HLCS: variants seen among roughly 807,000 people sequenced by gnomAD.
HLCS encodes biotin--protein ligase.
HLCS carries 53 observed loss-of-function variants against 75.0 expected under a neutral mutation model. The ratio of observed to expected loss-of-function variants is 0.71; its 90% CI spans 0.57 to 0.89. HLCS has a LOEUF of 0.89. Ranked by LOEUF, HLCS falls within the 40% of genes least tolerant of loss-of-function variation. The pLI is 0.00. For missense variants in HLCS, 966 were observed against 1,074.0 expected, an observed-to-expected ratio of 0.90 and a Z score of 1.41; for synonymous variants, 431 against 428.6, an observed-to-expected ratio of 1.01 and a Z score of -0.07.
At chr21:36,803,459 G>C (rs542178756) in intron 6 of HLCS, among the ~76,000 whole-genome samples, 1 of 152,196 alleles carries the variant, frequency 6.6e-6, no homozygotes, top group Non-Finnish European at 1.5e-5. Flanking sequence ...CGCACAGGGC[G>C]ACCTTGTGTG....
At chr21:36,778,409 A>C (rs1420534652) in intron 6 of HLCS, among the ~76,000 whole-genome samples, 1 of 152,114 alleles carries the variant, frequency 6.6e-6, no homozygotes, top group Non-Finnish European at 1.5e-5. Flanking sequence ...CCTCCCGAGT[A>C]GCTGGGATTA....
chr21:36,780,703 T>C (rs967503527), intron 6 of HLCS, among the ~76,000 whole-genome samples: 39 of 152,248 alleles, frequency 2.6e-4, no homozygotes, highest in Admixed American at 7.2e-4. Context: ...AGTGGGATGC[T>C]GAGCCAGAAG....
chr21:36,803,718 C>A (rs2061279264), intron 6 of HLCS, among the ~76,000 whole-genome samples: 2 of 148,986 alleles, frequency 1.3e-5, no homozygotes, highest in Non-Finnish European at 1.5e-5. Flanking sequence ...AAAAAACTTC[C>A]AAAGTGTTTT....
intron 6 of HLCS, among the ~76,000 whole-genome samples, chr21:36,795,362 C>A (rs925168920): frequency 6.6e-6 from 1 of 152,136 alleles, no homozygotes; most frequent in African/African-American, 2.4e-5. Context: ...ACACTGAGGT[C>A]CCCTCCTGAG....
intron 4 of HLCS, among the ~76,000 whole-genome samples, chr21:36,930,851 C>G (rs539464903): frequency 2.0e-5 from 3 of 152,184 alleles, no homozygotes; most frequent in Admixed American, 6.5e-5. Context: ...TTCCAAAGAG[C>G]CTACTCAAAT....
At chr21:36,807,270 C>A (rs2061388208) in intron 6 of HLCS, among the ~76,000 whole-genome samples, 1 of 152,206 alleles carries the variant, frequency 6.6e-6, no homozygotes, top group African/African-American at 2.4e-5. Flanking sequence ...ACTCTTTATT[C>A]ATGGAATAAA....
chr21:36,875,589 A>G (rs1402988992), intron 6 of HLCS, among the ~76,000 whole-genome samples: 1 of 152,174 alleles, frequency 6.6e-6, no homozygotes, highest in Non-Finnish European at 1.5e-5. Flanking sequence ...TCTCCTGTCC[A>G]CTAAGAGCTG....
rs193173485 is a variant in HLCS at position 36,856,414 on chromosome 21, G to A, written c.1892+40446C>T. 5.9e-5 allele frequency among the ~76,000 whole-genome samples: 9 copies of A among 152,228 alleles called. No individual in the cohort carries two copies. In the East Asian group the frequency reaches 1.2e-3, roughly 20 times the overall value. On this transcript the variant is annotated intron_variant, in intron 6 of 10. Coordinates refer to ENST00000674895, the MANE Select transcript of HLCS (RefSeq NM_001352514.2). Reference sequence around the variant, plus strand: ...AGAACACTTCTGCTATTTAGACTGCGGAAGGCTTTCATTTTAAAGGACATA... The same window carrying A: ...AGAACACTTCTGCTATTTAGACTGCAGAAGGCTTTCATTTTAAAGGACATA...
chr21:36,758,844 G>T (rs1371866736), intron 9 of HLCS, among the ~76,000 whole-genome samples: 2 of 152,096 alleles, frequency 1.3e-5, no homozygotes, highest in African/African-American at 4.8e-5. Context: ...TTAGCTGGGT[G>T]TGGTGGCGGG....
intron 6 of HLCS, among the ~76,000 whole-genome samples, chr21:36,773,250 A>C (rs2060261711): frequency 6.6e-6 from 1 of 152,240 alleles, no homozygotes; most frequent in Admixed American, 6.5e-5. Flanking sequence ...TCTCCTTTCC[A>C]GCACAGATTG....
At chr21:36,882,350 G>A (rs757508716) in intron 6 of HLCS, among the ~76,000 whole-genome samples, 1 of 152,046 alleles carries the variant, frequency 6.6e-6, no homozygotes, top group Non-Finnish European at 1.5e-5. Flanking sequence ...CAGACCCGGA[G>A]AGGCTGAGTG....
intron 6 of HLCS, among the ~76,000 whole-genome samples, chr21:36,880,322 G>A (rs1367060192): frequency 6.6e-6 from 1 of 152,138 alleles, no homozygotes; most frequent in Non-Finnish European, 1.5e-5. Flanking sequence ...GCAGGAGAAG[G>A]AAGAAAAGAG....
At chr21:36,760,916 T>C (rs935197319) in intron 8 of HLCS, among the ~76,000 whole-genome samples, 2 of 152,214 alleles carry the variant, frequency 1.3e-5, no homozygotes, top group African/African-American at 4.8e-5. Flanking sequence ...ACCAGGTCTT[T>C]TAGACCTCGG....
chr21:36,874,194 T>C (rs2063871104), intron 6 of HLCS, among the ~76,000 whole-genome samples: 2 of 151,934 alleles, frequency 1.3e-5, no homozygotes, highest in Admixed American at 1.3e-4. Context: ...TTAACACCTG[T>C]CTCAAAAATC....
At chr21:36,984,643 C>T (rs1050101608) in intron 1 of HLCS, among the ~76,000 whole-genome samples, 1 of 152,128 alleles carries the variant, frequency 6.6e-6, no homozygotes, top group African/African-American at 2.4e-5. Context: ...GAATAACAGG[C>T]ATTGGAGGCT....
At chr21:36,878,691 T>C (rs963815743) in intron 6 of HLCS, among the ~76,000 whole-genome samples, 4 of 152,180 alleles carry the variant, frequency 2.6e-5, no homozygotes, top group African/African-American at 9.7e-5. Flanking sequence ...ACTCATCTCA[T>C]TGAAAAAATA....
chr21:36,841,000 C>T (rs1433070630), intron 6 of HLCS, among the ~76,000 whole-genome samples: 2 of 151,470 alleles, frequency 1.3e-5, no homozygotes, highest in Non-Finnish European at 2.9e-5. Context: ...GGTGGGACAA[C>T]AATATAAAGA....
chr21:36,961,545 C>T (rs2068290623), intron 2 of HLCS, among the ~76,000 whole-genome samples: 1 of 152,016 alleles, frequency 6.6e-6, no homozygotes, highest in Admixed American at 6.6e-5. Flanking sequence ...ATTTTTCTAG[C>T]AGCCACATTA....
intron 6 of HLCS, among the ~76,000 whole-genome samples, chr21:36,848,339 G>A (rs550270141): frequency 2.0e-5 from 3 of 148,874 alleles, no homozygotes; most frequent in East Asian, 2.0e-4. Context: ...GCATAATCTC[G>A]GCTCACTGCA....
Sources: allele counts gnomAD v4.1 joint callset (sites outside exome capture counted in the v4.1 genomes callset), GRCh38; gene constraint gnomAD v4.1.1; transcripts MANE v1.5; gene names NCBI Gene and HGNC (gene_info 2026-07-23, HGNC 2026-07-21).